The following SMAP1 variants were observed in gnomAD, a reference collection of about 807,000 sequenced individuals.
The protein encoded by SMAP1 is stromal membrane-associated protein 1.
Under a neutral mutation model 58.5 loss-of-function variants are expected in SMAP1, and 24 were observed. The ratio of observed to expected loss-of-function variants is 0.41; its 90% CI spans 0.30 to 0.58. SMAP1 has a LOEUF of 0.58. SMAP1 is among the 20% of genes least tolerant of loss of function. The pLI is 0.29. For missense variants in SMAP1, 563 were observed against 566.3 expected, an observed-to-expected ratio of 0.99 and a Z score of 0.06; for synonymous variants, 216 against 196.6, an observed-to-expected ratio of 1.10 and a Z score of -0.82.
At chr6:70,699,538 AGGGCTT>A (rs1479454854) in intron 1 of SMAP1, among the ~76,000 whole-genome samples, 1 of 151,138 alleles carries the variant, frequency 6.6e-6, no homozygotes, top group Non-Finnish European at 1.5e-5. Flanking sequence ...CCTGAGAACC[AGGGCTT>A]GGAGTCAGGA....
rs192680358 is a variant in SMAP1, at chr6:70,861,394, C to T, written c.*1060C>T. ...ACTCAAGAGTGGTATCTTGCAGTAT[C>T]GGCACTGTACAAAAAAATCTTCCAA... On this transcript the variant is annotated 3_prime_UTR_variant, in exon 11 of 11. Coordinates refer to ENST00000370455, the MANE Select transcript of SMAP1 (RefSeq NM_001044305.3). 6.1e-5 allele frequency: 26 copies of T among 426,824 alleles called. No individual in the cohort carries two copies. The highest frequency in any genetic ancestry group is 6.5e-4 in the Middle Eastern group (1 of 1,550). The allele number at this position is 426,824 out of a possible 1,614,324, so 26.4% of individuals were successfully genotyped here. A position where few individuals can be genotyped will look rare whatever the true frequency, so the allele number is the denominator to read the frequency against.
At chr6:70,803,725 G>A (rs770920841) in intron 6 of SMAP1, among the ~76,000 whole-genome samples, 8 of 152,088 alleles carry the variant, frequency 5.3e-5, no homozygotes, top group Non-Finnish European at 7.4e-5. Flanking sequence ...AAAGAACATC[G>A]TTATTTCTGC....
chr6:70,857,949 C>G lies in SMAP1; in HGVS notation c.989C>G (p.Pro330Arg). The change falls in exon 10 of 11, where the codon CCA becomes CGA. Residue 330 changes from proline (P) to arginine (R), a missense_variant. By Grantham distance (103) the Pro-to-Arg change is moderately radical (BLOSUM62 -2). Coordinates refer to ENST00000370455, the MANE Select transcript of SMAP1 (RefSeq NM_001044305.3). Reference protein sequence around the residue: ...PGVFMGPTNIPFTSQAPAAFQ... With the variant: ...PGVFMGPTNIRFTSQAPAAFQ... Reference sequence around the variant, plus strand: ...GTATTTATGGGACCCACAAATATACCATTTACCTCACAAGCACCAGCTGCA... The same window carrying G: ...GTATTTATGGGACCCACAAATATACGATTTACCTCACAAGCACCAGCTGCA... 1 of 1,614,054 alleles carries G rather than the reference C, an allele frequency of 6.2e-7. No individual in the cohort carries two copies. The highest frequency in any genetic ancestry group is 1.1e-5 in the South Asian group (1 of 91,074).
chr6:70,824,097 T>C (rs1294589924), intron 6 of SMAP1, among the ~76,000 whole-genome samples: 1 of 152,172 alleles, frequency 6.6e-6, no homozygotes, highest in East Asian at 1.9e-4. Flanking sequence ...TCTATCTGCC[T>C]GCCTGTCTCT....
At position 70,690,846 on chromosome 6, in the gene SMAP1, C is replaced by T. The variant is rs182691461; in HGVS notation, c.118+22705C>T. ...CACCAAATGAATTAGATAGTATTCT[C>T]CTCCTCCCCCTTCCCCCCTTCCCCA... On this transcript the variant is annotated intron_variant, in intron 1 of 10. Coordinates refer to ENST00000370455, the MANE Select transcript of SMAP1 (RefSeq NM_001044305.3). 8.2e-3 allele frequency among the ~76,000 whole-genome samples: 1,252 copies of T among 151,860 alleles called. 2 individuals carry two copies. The highest frequency in any genetic ancestry group is 0.011 in the Admixed American group (165 of 15,248).
chr6:70,680,749 C>T (rs1766672463), intron 1 of SMAP1, among the ~76,000 whole-genome samples: 1 of 112,828 alleles, frequency 8.9e-6, no homozygotes, highest in African/African-American at 3.3e-5. Context: ...GTTGGAGTCT[C>T]ACTGTGTCTC....
intron 8 of SMAP1, among the ~76,000 whole-genome samples, chr6:70,853,373 A>T (rs1771262660): frequency 6.6e-6 from 1 of 152,206 alleles, no homozygotes; most frequent in East Asian, 1.9e-4. Context: ...TTAAGCATAC[A>T]ACATTAAGAT....
intron 1 of SMAP1, among the ~76,000 whole-genome samples, chr6:70,673,986 A>G (rs1313355648): frequency 2.0e-5 from 3 of 152,192 alleles, no homozygotes; most frequent in Non-Finnish European, 4.4e-5. Flanking sequence ...TTGTTGCTGT[A>G]CAAGATATAT....
At chr6:70,668,180 T>G (rs1304540271) in intron 1 of SMAP1, 39 bp downstream of exon 1, 1 of 1,540,410 alleles carries the variant, frequency 6.5e-7, no homozygotes, top group African/African-American at 1.4e-5. Context: ...TCGGGGCCTC[T>G]TGCGACCGGT....
chr6:70,846,267 A>G (rs1318252491), intron 7 of SMAP1, among the ~76,000 whole-genome samples: 2 of 152,200 alleles, frequency 1.3e-5, no homozygotes, highest in Non-Finnish European at 2.9e-5. Context: ...GCTGTCACCA[A>G]GAAATCCTCC....
Position 70,668,389 on chromosome 6 carries a change from G to A in SMAP1, c.118+248G>A. The A allele has an allele frequency of 4.3e-6, 4 of 926,222 alleles. 1 individual carries two copies. The South Asian group carries it at 5.8e-5, about 13-fold the overall frequency. The allele number at this position is 926,222 out of a possible 1,614,324, so 57.4% of individuals were successfully genotyped here. A position where few individuals can be genotyped will look rare whatever the true frequency, so the allele number is the denominator to read the frequency against. ...CCAGCCTCCCCTCCTCCCAGACACGGGTTTGAGCAGGTGCCAGGGTAGCGA... is the reference window on the plus strand; with the variant it reads ...CCAGCCTCCCCTCCTCCCAGACACGAGTTTGAGCAGGTGCCAGGGTAGCGA... On this transcript the variant is annotated intron_variant, in intron 1 of 10. Transcript: ENST00000370455.
chr6:70,686,385 G>A (rs992572132), intron 1 of SMAP1, among the ~76,000 whole-genome samples: 1 of 152,166 alleles, frequency 6.6e-6, no homozygotes, highest in South Asian at 2.1e-4. Flanking sequence ...GAAGAAAATT[G>A]TTTGGAATTT....
intron 6 of SMAP1, among the ~76,000 whole-genome samples, chr6:70,801,269 G>T (rs994925560): frequency 6.6e-6 from 1 of 152,210 alleles, no homozygotes; most frequent in Non-Finnish European, 1.5e-5. Flanking sequence ...CTGATGACCA[G>T]TGATGGTGAG....
At chr6:70,695,950 A>G (rs1653393236) in intron 1 of SMAP1, among the ~76,000 whole-genome samples, 1 of 151,836 alleles carries the variant, frequency 6.6e-6, no homozygotes, top group African/African-American at 2.4e-5. Context: ...CTTCAATCTC[A>G]TTTCTTGTTA....
chr6:70,806,736 A>G (rs761478252), intron 6 of SMAP1, among the ~76,000 whole-genome samples: 58 of 152,226 alleles, frequency 3.8e-4, no homozygotes, highest in Non-Finnish European at 6.6e-4. Context: ...AGCCATTAAT[A>G]TAGTTCTTGA....
intron 1 of SMAP1, among the ~76,000 whole-genome samples, chr6:70,724,487 C>T (rs1768678650): frequency 6.6e-6 from 1 of 152,192 alleles, no homozygotes; most frequent in Non-Finnish European, 1.5e-5. Flanking sequence ...TGAGCCACTG[C>T]ACCCGGTCAA....
chr6:70,744,590 G>C (rs1765947892), intron 2 of SMAP1, among the ~76,000 whole-genome samples: 1 of 152,168 alleles, frequency 6.6e-6, no homozygotes, highest in South Asian at 2.1e-4. Flanking sequence ...CATTTGGGTT[G>C]GTTCCAAGTC....
intron 5 of SMAP1, among the ~76,000 whole-genome samples, chr6:70,794,954 A>T (rs180712752): frequency 2.0e-5 from 3 of 151,610 alleles, no homozygotes; most frequent in African/African-American, 7.3e-5. Flanking sequence ...ACACCTGTCT[A>T]ATTTTTTGTA....
At chr6:70,806,637 C>T (rs541731359) in intron 6 of SMAP1, among the ~76,000 whole-genome samples, 3 of 152,186 alleles carry the variant, frequency 2.0e-5, no homozygotes, top group African/African-American at 4.8e-5. Context: ...AGATCCACCT[C>T]GTTATGAGTT....
Sources: gnomAD v4.1 joint callset for allele counts (sites outside exome capture counted in the v4.1 genomes callset) on GRCh38, gnomAD v4.1.1 for gene constraint, MANE v1.5 for transcripts, NCBI Gene and HGNC (gene_info 2026-07-23, HGNC 2026-07-21) for gene names.